The following EVA1A variants were observed in gnomAD, a reference collection of about 807,000 sequenced individuals.
EVA1A encodes the protein eva-1 homolog A, regulator of programmed cell death.
A neutral mutation model predicts 9.8 loss-of-function variants in EVA1A; 7 were observed. The ratio of observed to expected loss-of-function variants is 0.71; its 90% confidence interval spans 0.41 to 1.34. EVA1A has a LOEUF of 1.34. EVA1A is among the 40% of genes most tolerant of loss of function. The probability of loss-of-function intolerance (pLI) is 0.01; values close to 1 mark genes in which losing one functional copy is unlikely to be tolerated. For missense variants in EVA1A, 206 were observed against 205.9 expected (o/e 1.00, Z 0.00); for synonymous variants, 90 against 85.6 (o/e 1.05, Z -0.28).
intron 3 of EVA1A, among the ~76,000 whole-genome samples, chr2:75,504,707 G>C (rs1342975289): frequency 7.2e-6 from 1 of 138,606 alleles, no homozygotes; most frequent in East Asian, 2.2e-4. Flanking sequence ...CACAGGAACA[G>C]AAAACCAAAC....
chr2:75,533,144 G>A (rs1418322683), intron 1 of EVA1A, among the ~76,000 whole-genome samples: 3 of 141,036 alleles, frequency 2.1e-5, no homozygotes, highest in Non-Finnish European at 4.5e-5. Flanking sequence ...GTGAGACCCT[G>A]TCTTTAAAAA....
chr2:75,505,268 T>C (rs1487032143), intron 3 of EVA1A, among the ~76,000 whole-genome samples: 4 of 152,224 alleles, frequency 2.6e-5, no homozygotes, highest in Non-Finnish European at 4.4e-5. Flanking sequence ...CCCTCCAGTC[T>C]GGGCAGCACT....
chr2:75,495,720 A>G (rs1288305132), intron 3 of EVA1A, among the ~76,000 whole-genome samples: 3 of 152,200 alleles, frequency 2.0e-5, no homozygotes, highest in Non-Finnish European at 1.5e-5. Flanking sequence ...ACCACTGAAG[A>G]ACTTATCCAT....
At chr2:75,567,176 A>G (rs1470169690) in intron 1 of EVA1A, among the ~76,000 whole-genome samples, 1 of 152,224 alleles carries the variant, frequency 6.6e-6, no homozygotes, top group African/African-American at 2.4e-5. Context: ...AGATAAATCT[A>G]TTTTTATATT....
At chr2:75,535,855 A>C (rs963438016) in intron 1 of EVA1A, among the ~76,000 whole-genome samples, 12 of 152,220 alleles carry the variant, frequency 7.9e-5, no homozygotes, top group Admixed American at 1.3e-4. Context: ...TGATGGGTAC[A>C]CTAAAGTCCT....
chr2:75,566,197 G>A (rs981196503), intron 1 of EVA1A, among the ~76,000 whole-genome samples: 2 of 152,228 alleles, frequency 1.3e-5, no homozygotes, highest in Non-Finnish European at 2.9e-5. Context: ...GTCAAAGAAT[G>A]CAGTATGCCT....
At chr2:75,544,311 C>G (rs1676248452) in intron 1 of EVA1A, among the ~76,000 whole-genome samples, 1 of 152,190 alleles carries the variant, frequency 6.6e-6, no homozygotes, top group African/African-American at 2.4e-5. Flanking sequence ...GGAATGTATG[C>G]TCTTATAAAG....
chr2:75,543,105 A>G (rs1456573274), intron 1 of EVA1A, among the ~76,000 whole-genome samples: 2 of 152,226 alleles, frequency 1.3e-5, no homozygotes, highest in Non-Finnish European at 2.9e-5. Flanking sequence ...CTGGGCATAA[A>G]AAGAATTTCA....
intron 3 of EVA1A, among the ~76,000 whole-genome samples, chr2:75,505,239 A>T (rs1461353705): frequency 1.3e-5 from 2 of 152,312 alleles, no homozygotes; most frequent in African/African-American, 4.8e-5. Context: ...AGTTTGGAAG[A>T]AGGGTGTGAT....
chr2:75,500,893 A>G (rs1674392259), intron 3 of EVA1A, among the ~76,000 whole-genome samples: 1 of 151,710 alleles, frequency 6.6e-6, no homozygotes, highest in African/African-American at 2.4e-5. Context: ...TTTCCCACTC[A>G]CTGCCATTTC....
chr2:75,540,349 G>A (rs1462581995), intron 1 of EVA1A, among the ~76,000 whole-genome samples: 2 of 152,180 alleles, frequency 1.3e-5, no homozygotes, highest in Non-Finnish European at 2.9e-5. Context: ...CTGAATAGAC[G>A]GAAGCACAAG....
At chr2:75,546,907 C>CAAAAAA (rs751386318) in intron 1 of EVA1A, among the ~76,000 whole-genome samples, 2 of 66,864 alleles carry the variant, frequency 3.0e-5, no homozygotes, top group Non-Finnish European at 6.5e-5. Context: ...ATCAATAGGC[C>CAAAAAA]AAAAAAAAAA....
At chr2:75,536,140 C>A (rs13024961) in intron 1 of EVA1A, among the ~76,000 whole-genome samples, 22,112 of 152,056 alleles carry the variant, frequency 0.15, 1,712 homozygotes, top group African/African-American at 0.19. Flanking sequence ...GAGTTAGAGA[C>A]CAGCCTGGGC....
At chr2:75,523,152 C>T (rs1212445054) in intron 1 of EVA1A, among the ~76,000 whole-genome samples, 2 of 152,242 alleles carry the variant, frequency 1.3e-5, no homozygotes, top group Non-Finnish European at 2.9e-5. Context: ...ACCCTTCCAA[C>T]TACTGTGGCT....
At position 75,507,784 on chromosome 2, in the gene EVA1A, G is replaced by A. The variant is rs535053440; in HGVS notation, c.85+10272C>T. Among the ~76,000 whole-genome samples the A allele has an allele frequency of 2.0e-5, 3 of 152,226 alleles. No individual in the cohort carries two copies. The East Asian group carries it at 5.8e-4, about 29-fold the overall frequency. On this transcript the variant is annotated intron_variant, in intron 3 of 3. Transcript: ENST00000393913. ...AATGGCTGCCTCATCCCTCCCTCCT[G>A]AAAAGTCTATACCTGCTGATCAGAG...
intron 1 of EVA1A, among the ~76,000 whole-genome samples, chr2:75,535,312 A>AAAAAAG (rs60882826): frequency 6.6e-6 from 1 of 150,818 alleles, no homozygotes; most frequent in Non-Finnish European, 1.5e-5. Context: ...AAAAAAAAAA[A>AAAAAAG]GGGAACTCTT....
At chr2:75,565,636 A>G (rs1245650962), upstream of EVA1A, among the ~76,000 whole-genome samples, 1 of 152,212 alleles carries the variant, frequency 6.6e-6, no homozygotes, top group Non-Finnish European at 1.5e-5. Flanking sequence ...TGGCACTGCT[A>G]TTTACAAGAA....
chr2:75,499,102 T>C (rs79292907), intron 3 of EVA1A, among the ~76,000 whole-genome samples: 9,879 of 152,200 alleles, frequency 0.065, 436 homozygotes, highest in Middle Eastern at 0.16. Flanking sequence ...ACTTAGAAAA[T>C]TCTTAAGCCC....
chr2:75,560,523 C>G (rs1472534067), intron 1 of EVA1A, among the ~76,000 whole-genome samples, 157 bp downstream of exon 1: 1 of 152,176 alleles, frequency 6.6e-6, no homozygotes, highest in African/African-American at 2.4e-5. Context: ...TGGGACCCAG[C>G]CTACAACACC....
Sources: gnomAD v4.1 joint callset for allele counts (sites outside exome capture counted in the v4.1 genomes callset) on GRCh38, gnomAD v4.1.1 for gene constraint, MANE v1.5 for transcripts, NCBI Gene and HGNC (gene_info 2026-07-23, HGNC 2026-07-21) for gene names.